Variants in ARPC1A observed in about 807,000 individuals in gnomAD.
ARPC1A encodes actin related protein 2/3 complex subunit 1A.
A neutral mutation model predicts 46.9 loss-of-function variants in ARPC1A; 8 were observed. The observed-to-expected ratio is 0.17, with a 90% CI of 0.10 to 0.31. The LOEUF (loss-of-function observed/expected upper bound fraction) is 0.31. Ranked by LOEUF, ARPC1A falls within the 10% of genes least tolerant of loss-of-function variation. The pLI is 1.00. For synonymous variants in ARPC1A, 152 were observed against 169.0 expected (o/e 0.90, Z 0.78); for missense variants, 286 against 483.6 (o/e 0.59, Z 3.83).
intron 3 of ARPC1A, among the ~76,000 whole-genome samples, chr7:99,342,468 C>T (rs955550614): frequency 5.3e-5 from 8 of 151,858 alleles, no homozygotes; most frequent in African/African-American, 1.9e-4. Context: ...TTTCATGAGC[C>T]TGGGAGGTTG....
At chr7:99,338,378 A>ATTCTTTTTTT (rs1793292957) in intron 3 of ARPC1A, 93 bp downstream of exon 3, 1 of 231,228 alleles carries the variant, frequency 4.3e-6, no homozygotes, top group African/African-American at 4.8e-5. Flanking sequence ...GGTGGCCATA[A>ATTCTTTTTTT]TTTTTTTTTT....
intron 9 of ARPC1A, among the ~76,000 whole-genome samples, chr7:99,365,640 GGAGTGTGCCCA>G (rs1256196004): frequency 1.3e-5 from 2 of 151,684 alleles, no homozygotes; most frequent in East Asian, 3.9e-4. Context: ...AGAGGAGTGA[GGAGTGTGCCCA>G]GAGCCTGTGT....
chr7:99,351,613 G>A (rs961049450), intron 5 of ARPC1A, among the ~76,000 whole-genome samples: 1 of 152,138 alleles, frequency 6.6e-6, no homozygotes, highest in Admixed American at 6.6e-5. Context: ...TAAAGCAGCC[G>A]CTGTCATGAT....
intron 3 of ARPC1A, chr7:99,340,033 T>C: frequency 2.2e-6 from 1 of 455,902 alleles, no homozygotes; most frequent in Non-Finnish European, 4.4e-6. Flanking sequence ...TCCTGATTCA[T>C]GGAAAAGTTG....
Position 99,354,106 on chromosome 7 carries a change from C to G in ARPC1A, c.698C>G (p.Ala233Gly), listed in dbSNP as rs1297846118. 6.2e-7 allele frequency: 1 copy of G among 1,613,456 alleles called. No homozygotes were observed. The highest frequency in any genetic ancestry group is 8.5e-7 in the Non-Finnish European group (1 of 1,179,678). The part of the protein sequence containing the change: ...SHDSTVSVAD[A>G]SKSVQVSTLK... Reference sequence around the variant, plus strand: ...GACAGCACCGTGTCTGTTGCTGATGCCTCAAAAAGTGTGCAGTGAGTATTT... The same window carrying G: ...GACAGCACCGTGTCTGTTGCTGATGGCTCAAAAAGTGTGCAGTGAGTATTT... The change falls in exon 6 of 10, where the codon GCC becomes GGC. Residue 233 changes from alanine to glycine, a missense_variant. Transcript: ENST00000262942.
At position 99,333,412 on chromosome 7, in the gene ARPC1A, G is replaced by T. The variant is rs759448154; in HGVS notation, c.59G>T (p.Arg20Leu). 1 of 1,611,252 alleles carries T rather than the reference G, an allele frequency of 6.2e-7. No individual in the cohort carries two copies. Among genetic ancestry groups the T allele is most frequent in the South Asian group, 1.1e-5 (1 of 90,334 alleles). Reference protein sequence around the residue: ...PITCHAWNRDRTQIALSPNNH... With the variant: ...PITCHAWNRDLTQIALSPNNH... ...ACCTGTCATGCCTGGAACAGGGATC[G>T]TACTCGTAAGTATTTTATTAACTTT... is the stretch of plus-strand genomic sequence containing the variant. The change falls in exon 2 of 10, where the codon CGT becomes CTT. Residue 20 changes from arginine (R) to leucine (L), a missense_variant. Physicochemically the swap from Arg to Leu is moderately radical, Grantham distance 102 (BLOSUM62 -2). Transcript: ENST00000262942.
At position 99,335,606 on chromosome 7, in the gene ARPC1A, G is replaced by A. The variant is rs183495910; in HGVS notation, c.64+2189G>A. ...TCAGTTTGTTAATTTCTTTTAAGAC[G>A]TCAGCTGAGATTTTGACAGAGATTA... On this transcript the variant is annotated intron_variant, in intron 2 of 9. Transcript: ENST00000262942. 410 of 288,314 alleles carry A rather than the reference G, an allele frequency of 1.4e-3. 1 individual carries two copies. Among genetic ancestry groups the A allele is most frequent in the African/African-American group, 7.1e-3 (305 of 42,840 alleles). The allele number at this position is 288,314 out of a possible 1,614,324, so 17.9% of individuals were successfully genotyped here. A position where few individuals can be genotyped will look rare whatever the true frequency, so the allele number is the denominator to read the frequency against.
chr7:99,362,336 CTTTTTT>C (rs771655890), intron 8 of ARPC1A, among the ~76,000 whole-genome samples: 1 of 129,612 alleles, frequency 7.7e-6, no homozygotes. Context: ...CCCCGCCCCC[CTTTTTT>C]TTTTTTTTTT....
rs556567972 is a variant in ARPC1A at position 99,333,314 on chromosome 7, G to A, written c.-29-11G>A. 2 of 1,562,580 alleles carry A rather than the reference G, an allele frequency of 1.3e-6. No homozygotes were observed. Among genetic ancestry groups the A allele is most frequent in the Non-Finnish European group, 8.8e-7 (1 of 1,135,820 alleles). On this transcript the variant is annotated splice_polypyrimidine_tract_variant and intron_variant, in intron 1 of 9. Transcript: ENST00000262942. Reference sequence around the variant, plus strand: ...ATTGTATAAAATGCTTTTTGTTATTGTTCATTGCAGCTTTCTCTCCTTTGA... The same window carrying A: ...ATTGTATAAAATGCTTTTTGTTATTATTCATTGCAGCTTTCTCTCCTTTGA...
intron 3 of ARPC1A, among the ~76,000 whole-genome samples, chr7:99,342,076 A>T (rs978091200): frequency 2.2e-4 from 33 of 152,196 alleles, no homozygotes; most frequent in Non-Finnish European, 2.5e-4. Flanking sequence ...ACAGATTTTT[A>T]AAAAAGTGGA....
chr7:99,348,433 G>A (rs557819462), intron 4 of ARPC1A, among the ~76,000 whole-genome samples: 53 of 152,248 alleles, frequency 3.5e-4, no homozygotes, highest in African/African-American at 1.1e-3. Flanking sequence ...TCAGCTGGGC[G>A]TAGTGGCTCA....
At chr7:99,365,664 G>T (rs1341627773) in intron 9 of ARPC1A, among the ~76,000 whole-genome samples, 2 of 151,862 alleles carry the variant, frequency 1.3e-5, no homozygotes, top group East Asian at 3.9e-4. Context: ...GCCTGTGTGT[G>T]TGGCAGTGGG....
At chr7:99,328,187 T>C (rs1793082066) in intron 1 of ARPC1A, among the ~76,000 whole-genome samples, 1 of 151,994 alleles carries the variant, frequency 6.6e-6, no homozygotes, top group Admixed American at 6.6e-5. Flanking sequence ...CTGACCAACA[T>C]GGAGAAACCC....
chr7:99,361,712 G>T (rs759878490), intron 8 of ARPC1A, among the ~76,000 whole-genome samples: 12 of 152,174 alleles, frequency 7.9e-5, no homozygotes, highest in Non-Finnish European at 1.0e-4. Context: ...AACCCTTGCT[G>T]ATTAGTCTAC....
chr7:99,334,041 A>T (rs201803851), intron 2 of ARPC1A, among the ~76,000 whole-genome samples: 29 of 121,576 alleles, frequency 2.4e-4, no homozygotes, highest in African/African-American at 6.3e-4. Flanking sequence ...ATATATATGT[A>T]TTTTTTTTTT....
In ARPC1A at chr7:99,353,902, T is replaced by C; in HGVS notation, c.501-7T>C. On this transcript the variant is annotated splice_region_variant and splice_polypyrimidine_tract_variant and intron_variant, in intron 5 of 9. Coordinates refer to ENST00000262942, the MANE Select transcript of ARPC1A (RefSeq NM_006409.4). ...GCTTTTTCCTTTTCTCTCTGCCCTTTAAACAGAGTGTTTTCTGCCTACATT... is the reference window on the plus strand; with the variant it reads ...GCTTTTTCCTTTTCTCTCTGCCCTTCAAACAGAGTGTTTTCTGCCTACATT... 6.2e-7 allele frequency: 1 copy of C among 1,613,688 alleles called. No homozygotes were observed. Among genetic ancestry groups the C allele is most frequent in the Non-Finnish European group, 8.5e-7 (1 of 1,179,626 alleles).
intron 2 of ARPC1A, 33 bp downstream of exon 2, chr7:99,333,450 T>G: frequency 6.4e-7 from 1 of 1,569,174 alleles, no homozygotes; most frequent in Admixed American, 1.7e-5. Flanking sequence ...TTTTGTATTT[T>G]GGTACCTTTG....
chr7:99,344,120 A>C (rs1010268570), intron 3 of ARPC1A, among the ~76,000 whole-genome samples, 173 bp from the exon 4 acceptor site: 1 of 152,234 alleles, frequency 6.6e-6, no homozygotes, highest in South Asian at 2.1e-4. Flanking sequence ...GCAGAGAAGC[A>C]TCCTTGCCTT....
chr7:99,329,666 T>C (rs114234746), intron 1 of ARPC1A, among the ~76,000 whole-genome samples: 1,593 of 152,352 alleles, frequency 0.01, 23 homozygotes, highest in African/African-American at 0.035. Context: ...TTGAATGATA[T>C]GGCAAAATTA....
Sources: gnomAD v4.1 joint callset for allele counts (sites outside exome capture counted in the v4.1 genomes callset) on GRCh38, gnomAD v4.1.1 for gene constraint, MANE v1.5 for transcripts, NCBI Gene and HGNC (gene_info 2026-07-23, HGNC 2026-07-21) for gene names.